Variants in TECTA observed in about 807,000 individuals in gnomAD.
TECTA encodes the protein tectorin alpha, also known as alpha-tectorin.
A neutral mutation model predicts 216.8 loss-of-function variants in TECTA; 128 were observed. The observed-to-expected ratio is 0.59, with a 90% confidence interval of 0.51 to 0.68. The LOEUF (loss-of-function observed/expected upper bound fraction) is 0.68, where lower values mean the gene tolerates loss of function less well. Among genes scored for constraint, TECTA ranks in the 30% least tolerant of loss-of-function variants. The pLI, the probability that TECTA is intolerant of heterozygous loss-of-function variation, is 0.00. For missense variants in TECTA, 2,551 were observed against 2,786.2 expected, an observed-to-expected ratio of 0.92 and a Z score of 1.90; for synonymous variants, 1,089 against 1,117.1, an observed-to-expected ratio of 0.97 and a Z score of 0.50.
At chr11:121,120,237 C>G (rs967852896) in intron 7 of TECTA, among the ~76,000 whole-genome samples, 4 of 152,158 alleles carry the variant, frequency 2.6e-5, no homozygotes, top group Admixed American at 2.6e-4. Flanking sequence ...TGACTCTGTT[C>G]CATCGTCCAA....
chr11:121,191,159 T>C lies in TECTA; in HGVS notation c.*353T>C. The C allele has an allele frequency of 6.2e-6, 2 of 321,424 alleles. No individual in the cohort carries two copies. The highest frequency in any genetic ancestry group is 1.1e-3 in the Middle Eastern group (1 of 926). 19.9% of individuals were successfully genotyped at this position (321,424 alleles called of 1,614,324 possible). On this transcript the variant is annotated 3_prime_UTR_variant, in exon 24 of 24. Transcript: ENST00000392793. Reference sequence around the variant, plus strand: ...CCAGAGAAATCTGTCAAGCCAGTGCTATTTCTGGATCACAGTTTTTTACAG... The same window carrying C: ...CCAGAGAAATCTGTCAAGCCAGTGCCATTTCTGGATCACAGTTTTTTACAG...
chr11:121,145,611 C>A lies in TECTA; in HGVS notation c.3600C>A (p.Ile1200=). The stretch of plus-strand genomic sequence containing the variant: ...AGCTGGGGCAAGGGAAGATAAATAT[C>A]TTTTCCTTTGGCTTCCACGTGGTGG... ...PLKLGQGKIN[I]FSFGFHVVVE... Residue 1200 remains isoleucine (I), a synonymous_variant, in exon 12 of 24, where the codon ATC becomes ATA. Transcript: ENST00000392793. The A allele has an allele frequency of 1.9e-6, 3 of 1,614,200 alleles. No individual in the cohort carries two copies. The highest frequency in any genetic ancestry group is 1.1e-5 in the South Asian group (1 of 91,084).
chr11:121,113,748 C>A lies in TECTA; in HGVS notation c.790+30C>A, dbSNP rs200875870. 6.5e-4 allele frequency: 1,050 copies of A among 1,611,892 alleles called. 2 individuals carry two copies. The highest frequency in any genetic ancestry group is 1.2e-3 in the Middle Eastern group (6 of 4,970). On this transcript the variant is annotated intron_variant, in intron 6 of 23. Transcript: ENST00000392793. The surrounding 1 kb of genome is among the most constrained non-coding windows in gnomAD (Gnocchi z 4.2). ...AGCTTTTCCTCTGTCTGTGGCAAGG[C>A]AGGGTTTGTTTAGTGTAGATTGACA... is the stretch of plus-strand genomic sequence containing the variant.
chr11:121,125,429 A>G lies in TECTA; in HGVS notation c.1331A>G (p.Tyr444Cys), dbSNP rs772041033. Residue 444 changes from tyrosine to cysteine, a missense_variant, in exon 8 of 24, where the codon TAC (tyrosine) becomes TGC (cysteine). By Grantham distance (194) the Tyr-to-Cys change is radical. Around this residue, in one of 3 missense-constraint regions of TECTA, gnomAD observed 2,375 missense variants for 2,563.9 expected, o/e 0.93. Transcript: ENST00000392793. ...GLLVTFDGQHYASISVPGSYI... is the reference protein window; with the variant it reads ...GLLVTFDGQHCASISVPGSYI... ...TTAGTGACTTTTGATGGCCAGCACT[A>G]CGCCTCCATTTCCGTCCCAGGCTCC... The G allele has an allele frequency of 9.3e-6, 15 of 1,614,076 alleles. No homozygotes were observed. In the South Asian group the frequency reaches 1.3e-4, roughly 14 times the overall value.
chr11:121,117,692 T>A (rs1040592613), intron 6 of TECTA, among the ~76,000 whole-genome samples: 2 of 152,184 alleles, frequency 1.3e-5, no homozygotes, highest in African/African-American at 2.4e-5. Flanking sequence ...TGTGTAGGTG[T>A]AAATCCTGCC....
rs2135092074 is a variant in TECTA at position 121,135,011 on chromosome 11, G to A, written c.2942-2410G>A. Among the ~76,000 whole-genome samples, 2 of 152,234 alleles carry A rather than the reference G, an allele frequency of 1.3e-5. 1 individual carries two copies. The highest frequency in any genetic ancestry group is 4.1e-4 in the South Asian group (2 of 4,824). On this transcript the variant is annotated intron_variant, in intron 10 of 23. Transcript: ENST00000392793. Reference sequence around the variant, plus strand: ...AGTCACATGGAACATGGCTTTCTTGGGCTGAGGGCCAGGGCTCCTACTTGA... The same window carrying A: ...AGTCACATGGAACATGGCTTTCTTGAGCTGAGGGCCAGGGCTCCTACTTGA...
chr11:121,102,626 G>C (rs756491046), intron 1 of TECTA, 39 bp from the exon 2 acceptor site: 3 of 1,551,442 alleles, frequency 1.9e-6, no homozygotes, highest in Non-Finnish European at 2.7e-6. Context: ...ACTCTGGCAA[G>C]CTGGGGATTT....
In TECTA at chr11:121,109,206, C is replaced by T. The variant is rs759707683; in HGVS notation, c.199-5C>T. The T allele has an allele frequency of 4.3e-6, 7 of 1,614,060 alleles. No individual in the cohort carries two copies. The highest frequency in any genetic ancestry group is 5.9e-6 in the Non-Finnish European group (7 of 1,179,996). On this transcript the variant is annotated splice_polypyrimidine_tract_variant and splice_region_variant and intron_variant, in intron 3 of 23. Transcript: ENST00000392793. The stretch of plus-strand genomic sequence containing the variant: ...CACTGTGCAAAACCTCTCTTATTTT[C>T]GTAGGTCAATAACAACGGAGTTGTT...
rs1013877239 is a variant in TECTA, at chr11:121,168,163, C to A, written c.5696C>A (p.Ala1899Asp). The A allele has an allele frequency of 3.1e-6, 5 of 1,614,082 alleles. No homozygotes were observed. In the African/African-American group the frequency reaches 6.7e-5, roughly 22 times the overall value. The change falls in exon 19 of 24, where the codon GCT becomes GAT. Residue 1899 changes from alanine (A) to aspartate (D), a missense_variant. Around this residue, in one of 3 missense-constraint regions of TECTA, gnomAD observed 2,375 missense variants for 2,563.9 expected, o/e 0.93. Transcript: ENST00000392793. ...ACGATCAATGTGGAATTTTCATGTG[C>A]TTATGAGCTGGATATCAAGATCTCC... ...DRTINVEFSC[A>D]YELDIKISLD...
At chr11:121,117,457 GT>G (rs944814117) in intron 6 of TECTA, among the ~76,000 whole-genome samples, 4 of 152,210 alleles carry the variant, frequency 2.6e-5, no homozygotes, top group African/African-American at 7.2e-5. Flanking sequence ...AAATTTCAAA[GT>G]TTTTTGGTGG....
chr11:121,168,758 T>A lies in TECTA; in HGVS notation c.5832T>A (p.His1944Gln), dbSNP rs760356992. ...MALYKNASYK[H>Q]PYRQGEVVLT... ...TCTACAAAAACGCCTCCTACAAACA[T>A]CCTTACCGCCAGGGTGAAGTAGTGT... The change falls in exon 20 of 24, where the codon CAT (histidine) becomes CAA (glutamine). Residue 1944 changes from histidine to glutamine, a missense_variant. By Grantham distance (24) the His-to-Gln change is conservative (BLOSUM62 0). This residue lies in a region of TECTA where 2,375 missense variants were observed against 2,563.9 expected (regional missense o/e 0.93). Coordinates refer to ENST00000392793, the MANE Select transcript of TECTA (RefSeq NM_005422.4). 2.3e-5 allele frequency: 37 copies of A among 1,614,028 alleles called. No individual in the cohort carries two copies. The East Asian group carries it at 8.0e-4, about 35-fold the overall frequency.
intron 19 of TECTA, 179 bp from the exon 20 acceptor site, chr11:121,168,498 C>A (rs1947078237): frequency 7.2e-6 from 7 of 975,958 alleles, no homozygotes; most frequent in Admixed American, 5.1e-5. Flanking sequence ...TATTTAATTT[C>A]ATTTCATTTA....
intron 10 of TECTA, among the ~76,000 whole-genome samples, chr11:121,136,564 G>T (rs1039075668): frequency 3.3e-5 from 5 of 152,150 alleles, no homozygotes; most frequent in Non-Finnish European, 7.4e-5. Context: ...GAGGAGCAAG[G>T]CATACCATTG....
In TECTA at chr11:121,166,820, C is replaced by G. The variant is rs2186747; in HGVS notation, c.5586+40C>G. ...AGGAAAGAGCACCTGGCAGAGGCAGCGACAGCTTCGAGTGTTTGCACATTT... is the reference window on the plus strand; with the variant it reads ...AGGAAAGAGCACCTGGCAGAGGCAGGGACAGCTTCGAGTGTTTGCACATTT... On this transcript the variant is annotated intron_variant, in intron 18 of 23. Transcript: ENST00000392793. 407,811 of 1,607,404 alleles carry G rather than the reference C, an allele frequency of 0.25. 54,449 individuals carry two copies. Among genetic ancestry groups the G allele is most frequent in the Non-Finnish European group, 0.27 (320,261 of 1,178,042 alleles).
At chr11:121,146,406 CA>C (rs1409323691) in intron 12 of TECTA, 1 of 470,932 alleles carries the variant, frequency 2.1e-6, no homozygotes, top group Non-Finnish European at 3.8e-6. Flanking sequence ...CTTGGACGCA[CA>C]AAGTTCACAA....
intron 7 of TECTA, among the ~76,000 whole-genome samples, chr11:121,122,993 A>G (rs1448049526): frequency 6.6e-6 from 1 of 152,240 alleles, no homozygotes; most frequent in East Asian, 1.9e-4. Context: ...TAATCTATAG[A>G]GACAGAGAGC....
At chr11:121,168,253 C>G (rs1413316067) in intron 19 of TECTA, 36 bp downstream of exon 19, 1 of 1,613,650 alleles carries the variant, frequency 6.2e-7, no homozygotes, top group Middle Eastern at 1.7e-4. Context: ...ATTGCTTTTT[C>G]TATTCCTTGA....
At position 121,118,723 on chromosome 11, in the gene TECTA, GC is replaced by G. The variant is rs769706742; in HGVS notation, c.1203+9del. ...GGAAGCTATGGAAGAGTCAAGGTGA[GC>G]CCCTTTCTATCCTTCACGGGGAAAT... On this transcript the variant is annotated splice_donor_region_variant and intron_variant, in intron 7 of 23. Transcript: ENST00000392793. 2 of 1,613,372 alleles carry G rather than the reference GC, an allele frequency of 1.2e-6. No individual in the cohort carries two copies. Among genetic ancestry groups the G allele is most frequent in the Admixed American group, 3.3e-5 (2 of 60,012 alleles).
At chr11:121,107,424 G>A (rs1009761594) in intron 3 of TECTA, among the ~76,000 whole-genome samples, 1 of 152,132 alleles carries the variant, frequency 6.6e-6, no homozygotes, top group African/African-American at 2.4e-5. Context: ...CCCAATTACT[G>A]GAAGACAATA....
Sources: gnomAD v4.1 joint callset for allele counts (sites outside exome capture counted in the v4.1 genomes callset) on GRCh38, gnomAD v4.1.1 for gene constraint, gnomAD v4.1.1 regional missense constraint, Gnocchi (gnomAD v3.1) non-coding constraint, MANE v1.5 for transcripts, NCBI Gene and HGNC (gene_info 2026-07-23, HGNC 2026-07-21) for gene names.